The following DIP2C variants were observed in gnomAD, a reference collection of about 807,000 sequenced individuals.
The protein encoded by DIP2C is disco-interacting protein 2 homolog C.
Under a neutral mutation model 192.4 loss-of-function variants are expected in DIP2C, and 33 were observed. That is an observed-to-expected ratio of 0.17 (90% CI 0.13 to 0.23). The LOEUF (loss-of-function observed/expected upper bound fraction) is 0.23, where lower values mean the gene tolerates loss of function less well. Among genes scored for constraint, DIP2C ranks in the 10% least tolerant of loss-of-function variants. The probability of loss-of-function intolerance (pLI) is 1.00; values close to 1 mark genes in which losing one functional copy is unlikely to be tolerated. For missense variants in DIP2C, 1,537 were observed against 2,110.1 expected, an observed-to-expected ratio of 0.73 and a Z score of 5.32; for synonymous variants, 979 against 864.1, an observed-to-expected ratio of 1.13 and a Z score of -2.33.
At position 387,742 on chromosome 10, in the gene DIP2C, T is replaced by C; in HGVS notation, c.1662+3A>G. 2.5e-6 allele frequency: 4 copies of C among 1,614,138 alleles called. No homozygotes were observed. The highest frequency in any genetic ancestry group is 3.4e-6 in the Non-Finnish European group (4 of 1,180,014). On this transcript the variant is annotated splice_donor_region_variant and intron_variant, in intron 14 of 36. Coordinates refer to ENST00000280886, the MANE Select transcript of DIP2C (RefSeq NM_014974.3). ...CAGACACGGCCGGGGGGACCTCACT[T>C]ACTGTCAGGATGCCATGCCAGAGCC...
At chr10:540,677 A>C (rs1301598947) in intron 1 of DIP2C, among the ~76,000 whole-genome samples, 1 of 152,200 alleles carries the variant, frequency 6.6e-6, no homozygotes, top group Admixed American at 6.5e-5. Flanking sequence ...CAAATCGTAC[A>C]CTTAAAAATG....
chr10:675,223 TAAAAATTTATTG>T (rs1564333172), intron 1 of DIP2C, among the ~76,000 whole-genome samples: 1 of 152,040 alleles, frequency 6.6e-6, no homozygotes, highest in Non-Finnish European at 1.5e-5. Context: ...GAAGGAAATT[TAAAAATTTATTG>T]AAACAAATGA....
chr10:664,943 TA>T (rs1856995544), intron 1 of DIP2C: 1 of 152,190 alleles, frequency 6.6e-6, no homozygotes, highest in African/African-American at 2.4e-5. Context: ...AAAACCTTTA[TA>T]ACGATGTTTT....
chr10:607,197 G>T (rs1393299278), intron 1 of DIP2C, among the ~76,000 whole-genome samples: 1 of 152,182 alleles, frequency 6.6e-6, no homozygotes, highest in Non-Finnish European at 1.5e-5. Context: ...TGCTTATTCA[G>T]AAGGCCTAAA....
chr10:577,920 C>G (rs545326496), intron 1 of DIP2C, among the ~76,000 whole-genome samples: 1 of 151,774 alleles, frequency 6.6e-6, no homozygotes, highest in East Asian at 1.9e-4. Context: ...CTGGAATTTA[C>G]CTTTGAGACA....
At chr10:577,433 G>A (rs1300977547) in intron 1 of DIP2C, among the ~76,000 whole-genome samples, 1 of 152,216 alleles carries the variant, frequency 6.6e-6, no homozygotes, top group Non-Finnish European at 1.5e-5. Flanking sequence ...CACCTGTTGT[G>A]TGTACTTTCT....
At chr10:473,607 C>T (rs72774512) in intron 2 of DIP2C, among the ~76,000 whole-genome samples, 132 of 151,172 alleles carry the variant, frequency 8.7e-4, no homozygotes, top group Non-Finnish European at 1.5e-3. Context: ...AGGACGTCAT[C>T]CTACGCCGTC....
chr10:469,611 C>G (rs982486612), intron 3 of DIP2C, among the ~76,000 whole-genome samples: 5 of 152,168 alleles, frequency 3.3e-5, no homozygotes, highest in Admixed American at 1.3e-4. Flanking sequence ...GCCACAGCAC[C>G]CAGCCCTGAC....
chr10:380,889 C>CA (rs1447423450), intron 17 of DIP2C, among the ~76,000 whole-genome samples: 2 of 152,210 alleles, frequency 1.3e-5, no homozygotes, highest in African/African-American at 2.4e-5. Flanking sequence ...AGTTCACAGG[C>CA]ACTGGCTCAT....
intron 1 of DIP2C, among the ~76,000 whole-genome samples, chr10:682,883 C>T (rs57470339): frequency 3.9e-5 from 6 of 152,218 alleles, no homozygotes; most frequent in East Asian, 3.9e-4. Context: ...AAGCTATTAG[C>T]GAAACAAAAA....
intron 29 of DIP2C, among the ~76,000 whole-genome samples, chr10:332,627 G>A (rs2132478329): frequency 6.6e-6 from 1 of 152,340 alleles, no homozygotes; most frequent in East Asian, 1.9e-4. Flanking sequence ...TATTCTCTGA[G>A]AATGTTGGGA....
chr10:532,694 TATGGGTGTGAGAGAGAGTATGGGTGTGA>T (rs1847469632), intron 1 of DIP2C, among the ~76,000 whole-genome samples: 1 of 93,918 alleles, frequency 1.1e-5, no homozygotes, highest in African/African-American at 4.4e-5. Context: ...TGTGAGAGAG[TATGGGTGTGAGAGAGAGTATGGGTGTGA>T]GAGAGAGTAT....
chr10:433,720 T>G lies in DIP2C; in HGVS notation c.394+7151A>C, dbSNP rs190754681. Among the ~76,000 whole-genome samples the G allele has an allele frequency of 7.9e-5, 12 of 152,252 alleles. No individual in the cohort carries two copies. The East Asian group carries it at 2.3e-3, about 29-fold the overall frequency. On this transcript the variant is annotated intron_variant, in intron 4 of 36. Coordinates refer to ENST00000280886, the MANE Select transcript of DIP2C (RefSeq NM_014974.3). ...AAATAAATTAGTGTTAACATTTATA[T>G]CTTTTTCTATCCCTTTACTCTTGAT... is the stretch of plus-strand genomic sequence containing the variant.
Position 607,687 on chromosome 10 carries a change from C to T in DIP2C, c.85+81807G>A, listed in dbSNP as rs185031493. Among the ~76,000 whole-genome samples the T allele has an allele frequency of 1.4e-3, 211 of 152,266 alleles. 4 individuals are homozygous for T. Among genetic ancestry groups the T allele is most frequent in the African/African-American group, 4.8e-3 (198 of 41,528 alleles). ...CGATGCAATGAGTGTGACTAGTTCACGCCATAAGGTTGAAAAATCACAAGT... is the reference window on the plus strand; with the variant it reads ...CGATGCAATGAGTGTGACTAGTTCATGCCATAAGGTTGAAAAATCACAAGT... On this transcript the variant is annotated intron_variant, in intron 1 of 36. Coordinates refer to ENST00000280886, the MANE Select transcript of DIP2C (RefSeq NM_014974.3).
At chr10:482,471 A>G (rs1843678697) in intron 2 of DIP2C, among the ~76,000 whole-genome samples, 1 of 152,140 alleles carries the variant, frequency 6.6e-6, no homozygotes, top group African/African-American at 2.4e-5. Context: ...CCTCATGGAG[A>G]GAGGCTGTGC....
chr10:647,177 C>T (rs568470272), intron 1 of DIP2C, among the ~76,000 whole-genome samples: 3 of 146,228 alleles, frequency 2.1e-5, no homozygotes, highest in African/African-American at 5.1e-5. Context: ...CCACATTGGA[C>T]GGTGGGAGAG....
At chr10:603,449 GTTTTA>G (rs1852242140) in intron 1 of DIP2C, among the ~76,000 whole-genome samples, 1 of 151,610 alleles carries the variant, frequency 6.6e-6, no homozygotes, top group African/African-American at 2.4e-5. Context: ...TGTGCTTGAA[GTTTTA>G]ATCCTAACAC....
intron 33 of DIP2C, among the ~76,000 whole-genome samples, chr10:287,939 A>G (rs1955238038): frequency 6.6e-6 from 1 of 152,164 alleles, no homozygotes; most frequent in Non-Finnish European, 1.5e-5. Context: ...ATTCTGATCA[A>G]TGGAATTTCA....
chr10:403,699 A>G (rs1284570660), intron 9 of DIP2C, among the ~76,000 whole-genome samples: 32 of 148,192 alleles, frequency 2.2e-4, no homozygotes, highest in Non-Finnish European at 2.5e-4. Context: ...CACGTGTGGT[A>G]GCATTAGCAT....
Sources: allele counts gnomAD v4.1 joint callset (sites outside exome capture counted in the v4.1 genomes callset), GRCh38; gene constraint gnomAD v4.1.1; transcripts MANE v1.5; gene names NCBI Gene and HGNC (gene_info 2026-07-23, HGNC 2026-07-21).